The following ADAP1 variants were observed in gnomAD, a reference collection of about 807,000 sequenced individuals.
ADAP1 encodes the protein ArfGAP with dual PH domains 1.
A neutral mutation model predicts 54.9 loss-of-function variants in ADAP1; 31 were observed. That is an observed-to-expected ratio of 0.56 (90% CI 0.42 to 0.76). The LOEUF is 0.76. Ranked by LOEUF, ADAP1 falls within the 30% of genes least tolerant of loss-of-function variation. The pLI is 0.00. For synonymous variants in ADAP1, 313 were observed against 202.6 expected, an observed-to-expected ratio of 1.55 and a Z score of -4.63; for missense variants, 535 against 512.4, an observed-to-expected ratio of 1.04 and a Z score of -0.42.
chr7:948,990 C>T (rs777894341), intron 1 of ADAP1, among the ~76,000 whole-genome samples: 4 of 152,186 alleles, frequency 2.6e-5, no homozygotes, highest in East Asian at 3.8e-4. Context: ...CCACCATGCC[C>T]GGCCCTCACT....
chr7:903,830 G>GGGC, intron 6 of ADAP1: 1 of 329,240 alleles, frequency 3.0e-6, no homozygotes, highest in Non-Finnish European at 5.7e-6. Context: ...CCCACTGACA[G>GGGC]GGCCAAGCTG....
chr7:904,944 G>GGGGGGGGCAGCA (rs1554271404), intron 5 of ADAP1, 116 bp downstream of exon 5: 1 of 837,002 alleles, frequency 1.2e-6, no homozygotes, highest in Non-Finnish European at 1.9e-6. Context: ...CGTCCCCATC[G>GGGGGGGGCAGCA]GGGGGGGCAG....
At chr7:903,880 A>C (rs944429944) in intron 6 of ADAP1, 36 of 458,850 alleles carry the variant, frequency 7.8e-5, no homozygotes, top group Non-Finnish European at 1.2e-4. Flanking sequence ...GCTCCTGGGC[A>C]GCCCGGCCCT....
chr7:928,209 G>A (rs945184320), intron 2 of ADAP1, among the ~76,000 whole-genome samples: 1 of 151,028 alleles, frequency 6.6e-6, no homozygotes, highest in African/African-American at 2.4e-5. Flanking sequence ...GGCAGAACAA[G>A]ACCATGTCTC....
At chr7:906,775 C>A (rs1251720009) in intron 4 of ADAP1, among the ~76,000 whole-genome samples, 1 of 11,896 alleles carries the variant, frequency 8.4e-5, no homozygotes, top group African/African-American at 3.9e-4. Context: ...ACATGGGGGA[C>A]AGGGGACACG....
At chr7:954,096 G>A (rs865817760) in intron 1 of ADAP1, among the ~76,000 whole-genome samples, 2 of 152,096 alleles carry the variant, frequency 1.3e-5, no homozygotes, top group South Asian at 4.1e-4. Context: ...GCGGCGGGCG[G>A]TCCGCGGTGA....
At chr7:899,345 C>A in intron 9 of ADAP1, 74 bp downstream of exon 9, 1 of 1,604,130 alleles carries the variant, frequency 6.2e-7, no homozygotes, top group South Asian at 1.1e-5. Flanking sequence ...AGGCCACCCG[C>A]CCTCCTGGTC....
intron 4 of ADAP1, among the ~76,000 whole-genome samples, chr7:918,182 A>C (rs965347690): frequency 6.6e-6 from 1 of 152,126 alleles, no homozygotes; most frequent in Non-Finnish European, 1.5e-5. Context: ...CCTGCCTCCC[A>C]AACTGCTGGA....
intron 1 of ADAP1, among the ~76,000 whole-genome samples, chr7:950,925 G>A (rs1225024900): frequency 6.6e-6 from 1 of 151,538 alleles, no homozygotes; most frequent in Non-Finnish European, 1.5e-5. Flanking sequence ...GGACTGGGGA[G>A]AGGAAATCTG....
chr7:900,620 G>T lies in ADAP1; in HGVS notation c.649-4C>A, dbSNP rs2128632956. The T allele has an allele frequency of 6.6e-7, 1 of 1,515,440 alleles. No individual in the cohort carries two copies. Among genetic ancestry groups the T allele is most frequent in the South Asian group, 1.2e-5 (1 of 86,134 alleles). The allele number at this position is 1,515,440 out of a possible 1,614,324, so 93.9% of individuals were successfully genotyped here. A position where few individuals can be genotyped will look rare whatever the true frequency, so the allele number is the denominator to read the frequency against. On this transcript the variant is annotated splice_polypyrimidine_tract_variant and splice_region_variant and intron_variant, in intron 6 of 10. Transcript: ENST00000265846. ...CATTGAACCAGTCCACAATCTCCTA[G>T]GGGCAAAGGTGGGCACAGGCTTGGG...
chr7:940,160 C>T (rs1159489159), intron 1 of ADAP1, among the ~76,000 whole-genome samples: 3 of 151,976 alleles, frequency 2.0e-5, no homozygotes, highest in Non-Finnish European at 4.4e-5. Flanking sequence ...GGGGAGGGCT[C>T]AGGGAGTTAA....
In ADAP1 at chr7:902,350, C is replaced by T. The variant is rs369315113; in HGVS notation, c.649-1734G>A. On this transcript the variant is annotated intron_variant, in intron 6 of 10. Transcript: ENST00000265846. ...GCGCATGCCTGTAATCCCAGCTACT[C>T]GGGAGGCTGAGGCAGGAGAATGACT... Among the ~76,000 whole-genome samples the T allele has an allele frequency of 4.1e-3, 595 of 146,706 alleles. 4 individuals carry two copies. Among genetic ancestry groups the T allele is most frequent in the African/African-American group, 0.014 (558 of 39,166 alleles).
At position 933,529 on chromosome 7, in the gene ADAP1, G is replaced by A. The variant is rs879496914; in HGVS notation, c.213+1846C>T. On this transcript the variant is annotated intron_variant, in intron 2 of 10. Transcript: ENST00000265846. ...GGTGCTGGAGAGCCGGGGGCCGGGG[G>A]CCGGGGTCAGTGGTGCTGGAGAGCC... Among the ~76,000 whole-genome samples, 405 of 65,426 alleles carry A rather than the reference G, an allele frequency of 6.2e-3. 2 individuals are homozygous for A. The highest frequency in any genetic ancestry group is 0.02 in the Middle Eastern group (2 of 98). 42.9% of individuals were successfully genotyped at this position (65,426 alleles called of 152,430 possible). A position where few individuals can be genotyped will look rare whatever the true frequency, so the allele number is the denominator to read the frequency against.
chr7:919,138 G>T (rs915413880), intron 4 of ADAP1, among the ~76,000 whole-genome samples: 1 of 152,198 alleles, frequency 6.6e-6, no homozygotes, highest in Non-Finnish European at 1.5e-5. Context: ...CCACCCGAGG[G>T]CCCCCAAGGG....
At chr7:913,764 G>C (rs1049349734) in intron 4 of ADAP1, among the ~76,000 whole-genome samples, 1 of 151,956 alleles carries the variant, frequency 6.6e-6, no homozygotes, top group Non-Finnish European at 1.5e-5. Flanking sequence ...ATGAAATCCT[G>C]TCTCTACTAA....
chr7:935,404 G>A lies in ADAP1; in HGVS notation c.184C>T (p.Leu62=), dbSNP rs1197959810. 1 of 1,560,804 alleles carries A rather than the reference G, an allele frequency of 6.4e-7. No homozygotes were observed. The highest frequency in any genetic ancestry group is 1.2e-5 in the South Asian group (1 of 84,758). ...PQVSKVKSVR[L]DAWEEAQVEF... ...ACTTGGGCCTCCTCCCAGGCGTCCA[G>A]GCGGACGGACTTCACCTTGCTGACC... Residue 62 remains leucine (L), a synonymous_variant, in exon 2 of 11, where the codon CTG becomes TTG. Transcript: ENST00000265846.
chr7:935,602 G>A (rs947805977), intron 1 of ADAP1, 97 bp from the exon 2 acceptor site: 1 of 1,442,372 alleles, frequency 6.9e-7, no homozygotes, highest in East Asian at 2.5e-5. Flanking sequence ...GCCATGCAGT[G>A]GGGGGGGCTT....
chr7:912,111 G>A (rs1017002906), intron 4 of ADAP1, among the ~76,000 whole-genome samples: 2 of 152,202 alleles, frequency 1.3e-5, no homozygotes, highest in South Asian at 2.1e-4. Flanking sequence ...GGCTCCGTCT[G>A]CCCTGTGACA....
intron 4 of ADAP1, among the ~76,000 whole-genome samples, chr7:915,023 G>A (rs1355715432): frequency 6.6e-6 from 1 of 151,740 alleles, no homozygotes; most frequent in African/African-American, 2.4e-5. Context: ...CGGGGCTCTG[G>A]GGCCCGAGGC....
Sources: allele counts gnomAD v4.1 joint callset (sites outside exome capture counted in the v4.1 genomes callset), GRCh38; gene constraint gnomAD v4.1.1; transcripts MANE v1.5; gene names NCBI Gene and HGNC (gene_info 2026-07-23, HGNC 2026-07-21).